The following TRPC4 variants were observed in gnomAD, a reference collection of about 807,000 sequenced individuals.
The protein encoded by TRPC4 is short transient receptor potential channel 4.
TRPC4 carries 49 observed loss-of-function variants against 99.4 expected under a neutral mutation model. That is an observed-to-expected ratio of 0.49 (90% CI 0.39 to 0.63). TRPC4 has a LOEUF of 0.63. Ranked by LOEUF, TRPC4 falls within the 20% of genes least tolerant of loss-of-function variation. TRPC4 has a pLI of 0.00. For synonymous variants in TRPC4, 454 were observed against 425.9 expected (o/e 1.07, Z -0.81); for missense variants, 898 against 1,152.9 (o/e 0.78, Z 3.20).
chr13:37,662,328 T>TAA (rs10685478), intron 6 of TRPC4, among the ~76,000 whole-genome samples: 54,969 of 151,520 alleles, frequency 0.36, 10,297 homozygotes, highest in African/African-American at 0.41. Flanking sequence ...AAAATTATGT[T>TAA]TTCTTTAAGA....
chr13:37,863,511 A>T (rs1203463837), intron 1 of TRPC4, among the ~76,000 whole-genome samples: 1 of 151,598 alleles, frequency 6.6e-6, no homozygotes, highest in Admixed American at 6.6e-5. Context: ...GCTCTAGATA[A>T]AATTAAAGAA....
intron 1 of TRPC4, among the ~76,000 whole-genome samples, chr13:37,803,184 T>C (rs930364935): frequency 2.0e-5 from 3 of 152,082 alleles, no homozygotes; most frequent in Admixed American, 6.6e-5. Flanking sequence ...TTATTCACTT[T>C]CTGTCACTAC....
chr13:37,752,018 TCTGCTATATATAG>T (rs1480558361), intron 2 of TRPC4, among the ~76,000 whole-genome samples: 2 of 137,062 alleles, frequency 1.5e-5, no homozygotes, highest in East Asian at 4.1e-4. Context: ...GGGTAGTTTT[TCTGCTATATATAG>T]CAGAAAGCTT....
intron 4 of TRPC4, among the ~76,000 whole-genome samples, chr13:37,686,360 A>T (rs1953480244): frequency 6.6e-6 from 1 of 151,938 alleles, no homozygotes; most frequent in Admixed American, 6.6e-5. Context: ...GTCTGTATGT[A>T]CCTATATACA....
At chr13:37,717,657 T>G (rs1283110500) in intron 3 of TRPC4, among the ~76,000 whole-genome samples, 1 of 151,690 alleles carries the variant, frequency 6.6e-6, no homozygotes, top group African/African-American at 2.4e-5. Context: ...AAGAAGAGAG[T>G]TATATTCAAG....
intron 3 of TRPC4, among the ~76,000 whole-genome samples, chr13:37,732,329 A>G (rs532307551): frequency 6.6e-6 from 1 of 152,122 alleles, no homozygotes; most frequent in Non-Finnish European, 1.5e-5. Context: ...GTCAGAGGTA[A>G]TTGTTTTATT....
intron 5 of TRPC4, among the ~76,000 whole-genome samples, chr13:37,666,890 A>G (rs1952662320): frequency 6.6e-6 from 1 of 151,746 alleles, no homozygotes; most frequent in African/African-American, 2.4e-5. Flanking sequence ...CAGGATTTCA[A>G]CTCTCAATGA....
chr13:37,744,125 T>C (rs1204792933), intron 3 of TRPC4, among the ~76,000 whole-genome samples: 9 of 152,148 alleles, frequency 5.9e-5, no homozygotes, highest in Non-Finnish European at 1.2e-4. Flanking sequence ...TAAGAGAAAA[T>C]CTTTGCAATC....
At position 37,731,003 on chromosome 13, in the gene TRPC4, T is replaced by C. The variant is rs138660249; in HGVS notation, c.897+14934A>G. 4.4e-4 allele frequency among the ~76,000 whole-genome samples: 67 copies of C among 152,104 alleles called. 1 individual carries two copies. The East Asian group carries it at 0.012, about 28-fold the overall frequency. Reference sequence around the variant, plus strand: ...TAAAAATCCTAAACTTACAACCAGATGTCAAAGTATAATAACTGGGGTCTA... The same window carrying C: ...TAAAAATCCTAAACTTACAACCAGACGTCAAAGTATAATAACTGGGGTCTA... On this transcript the variant is annotated intron_variant, in intron 3 of 10. Transcript: ENST00000379705.
intron 1 of TRPC4, among the ~76,000 whole-genome samples, chr13:37,792,699 G>A (rs117498951): frequency 0.016 from 2,474 of 150,814 alleles, 50 homozygotes; most frequent in East Asian, 0.11. Context: ...CCTGTGGCCC[G>A]TAACTGACCT....
intron 6 of TRPC4, among the ~76,000 whole-genome samples, chr13:37,662,171 G>A (rs2025406): frequency 0.36 from 55,221 of 151,702 alleles, 10,419 homozygotes; most frequent in African/African-American, 0.41. Flanking sequence ...TTAGCCGGGC[G>A]TGGTGGTGGG....
intron 3 of TRPC4, among the ~76,000 whole-genome samples, chr13:37,738,461 T>A (rs1427590915): frequency 6.6e-6 from 1 of 152,180 alleles, no homozygotes; most frequent in Non-Finnish European, 1.5e-5. Context: ...GGTGAAACCC[T>A]AACCGATAAT....
chr13:37,651,224 C>T (rs1321149695), intron 8 of TRPC4, 41 bp downstream of exon 8: 5 of 1,607,330 alleles, frequency 3.1e-6, no homozygotes, highest in Non-Finnish European at 3.4e-6. Flanking sequence ...TTCAAATACA[C>T]AATTTAAAAA....
rs566026095 is a variant in TRPC4, at chr13:37,835,050, T to A, written c.-28+34545A>T. Among the ~76,000 whole-genome samples, 623 of 151,802 alleles carry A rather than the reference T, an allele frequency of 4.1e-3. 1 individual carries two copies. The highest frequency in any genetic ancestry group is 6.6e-3 in the African/African-American group (272 of 41,362). On this transcript the variant is annotated intron_variant, in intron 1 of 10. Coordinates refer to ENST00000379705, the MANE Select transcript of TRPC4 (RefSeq NM_016179.4). ...AGCAGGCCCAGCCTGTTTTTTTTTTTAATTTTTTTTTTAAATCCTGCATAT... is the reference window on the plus strand; with the variant it reads ...AGCAGGCCCAGCCTGTTTTTTTTTTAAATTTTTTTTTTAAATCCTGCATAT...
At chr13:37,662,958 A>T (rs2138687009) in intron 6 of TRPC4, among the ~76,000 whole-genome samples, 1 of 152,320 alleles carries the variant, frequency 6.6e-6, no homozygotes, top group Non-Finnish European at 1.5e-5. Flanking sequence ...TTAGATGGTT[A>T]AGTTTTTGTG....
intron 1 of TRPC4, among the ~76,000 whole-genome samples, chr13:37,800,196 A>ATTAT (rs573764998): frequency 1.9e-3 from 294 of 152,242 alleles, no homozygotes; most frequent in Non-Finnish European, 3.1e-3. Context: ...TATTGACAGT[A>ATTAT]TTATTTATTT....
chr13:37,701,348 C>T (rs374952646), intron 3 of TRPC4, among the ~76,000 whole-genome samples: 12 of 152,236 alleles, frequency 7.9e-5, no homozygotes, highest in Admixed American at 3.9e-4. Flanking sequence ...TGTTCCTCCC[C>T]GGCTGCACCA....
At chr13:37,638,440 A>G (rs1951604285) in intron 10 of TRPC4, among the ~76,000 whole-genome samples, 1 of 152,032 alleles carries the variant, frequency 6.6e-6, no homozygotes, top group African/African-American at 2.4e-5. Context: ...TCTCCTATAG[A>G]TTTTTTTAAA....
chr13:37,816,802 G>T (rs565346165), intron 1 of TRPC4, among the ~76,000 whole-genome samples: 1 of 151,944 alleles, frequency 6.6e-6, no homozygotes, highest in East Asian at 1.9e-4. Context: ...ACACAGAAAA[G>T]GCTTTCAATA....
Sources: gnomAD v4.1 joint callset for allele counts (sites outside exome capture counted in the v4.1 genomes callset) on GRCh38, gnomAD v4.1.1 for gene constraint, MANE v1.5 for transcripts, NCBI Gene and HGNC (gene_info 2026-07-23, HGNC 2026-07-21) for gene names.